DUSP8: variants seen among roughly 807,000 people sequenced by gnomAD.
DUSP8 encodes the protein dual specificity phosphatase 8.
DUSP8 carries 15 observed loss-of-function variants against 38.7 expected under a neutral mutation model. The ratio of observed to expected loss-of-function variants is 0.39; its 90% confidence interval spans 0.26 to 0.60. The LOEUF (loss-of-function observed/expected upper bound fraction) is 0.60. Ranked by LOEUF, DUSP8 falls within the 20% of genes least tolerant of loss-of-function variation. DUSP8 has a pLI of 0.56. For missense variants in DUSP8, 768 were observed against 915.0 expected (o/e 0.84, Z 2.07); for synonymous variants, 458 against 433.9 (o/e 1.06, Z -0.69).
intron 1 of DUSP8, among the ~76,000 whole-genome samples, chr11:1,566,611 G>A (rs1349714759): frequency 6.6e-6 from 1 of 152,140 alleles, no homozygotes; most frequent in Admixed American, 6.5e-5. Context: ...GCAGGCTGAG[G>A]TTTAGTGTGC....
At chr11:1,567,976 G>A (rs564537297) in intron 1 of DUSP8, among the ~76,000 whole-genome samples, 1 of 152,316 alleles carries the variant, frequency 6.6e-6, no homozygotes, top group South Asian at 2.1e-4. Context: ...GGTGAGAGGC[G>A]AGGGCCCAGA....
At chr11:1,564,714 C>T (rs113898843) in intron 2 of DUSP8, among the ~76,000 whole-genome samples, 244 of 152,356 alleles carry the variant, frequency 1.6e-3, no homozygotes, top group African/African-American at 5.4e-3. Context: ...CCAATGGGAT[C>T]GCACTCTGCC....
chr11:1,558,942 T>A lies in DUSP8; in HGVS notation c.484A>T (p.Thr162Ser). 5.0e-6 allele frequency: 8 copies of A among 1,612,922 alleles called. No individual in the cohort carries two copies. Among genetic ancestry groups the A allele is most frequent in the Non-Finnish European group, 6.8e-6 (8 of 1,179,732 alleles). Residue 162 changes from threonine (T) to serine (S), a missense_variant, in exon 4 of 7, where the codon ACC becomes TCC. By Grantham distance (58) the Thr-to-Ser change is moderately conservative (BLOSUM62 1). Transcript: ENST00000397374. The surrounding 1 kb of genome is among the most constrained non-coding windows in gnomAD (Gnocchi z 6.3). ...AGGTAGAGGTGAGGCAGGATGCGGG[T>A]CAGGCCCACGCTGGGCACAGGCAGG... ...PCLPVPSVGL[T>S]RILPHLYLGS...
rs1848590492 is a variant in DUSP8, at chr11:1,554,466, G to T, written c.*2052C>A. The T allele has an allele frequency of 5.6e-6, 1 of 177,106 alleles. No homozygotes were observed. The highest frequency in any genetic ancestry group is 1.1e-5 in the Non-Finnish European group (1 of 88,778). The allele number at this position is 177,106 out of a possible 1,614,324, so 11.0% of individuals were successfully genotyped here. On this transcript the variant is annotated 3_prime_UTR_variant, in exon 7 of 7. Transcript: ENST00000397374. ...GGCTGGGTCAGGTGAAAGCCACCAG[G>T]TGGGGCCTCAGCCCGCCTCCTGCAG... is the stretch of plus-strand genomic sequence containing the variant.
At position 1,557,308 on chromosome 11, in the gene DUSP8, G is replaced by C; in HGVS notation, c.1088C>G (p.Thr363Arg). ...SAGGEPPAPP[T>R]PPATSALQQG... ...CTGCAGTGCGCTGGTCGCCGGGGGCGTGGGGGGCGCGGGGGGCTCCCCGCC... is the reference window on the plus strand; with the variant it reads ...CTGCAGTGCGCTGGTCGCCGGGGGCCTGGGGGGCGCGGGGGGCTCCCCGCC... The change falls in exon 7 of 7, where the codon ACG (threonine) becomes AGG (arginine). Residue 363 changes from threonine to arginine, a missense_variant. Around this residue, in one of 3 missense-constraint regions of DUSP8, gnomAD observed 474 missense variants for 430.8 expected, o/e 1.10. Coordinates refer to ENST00000397374, the MANE Select transcript of DUSP8 (RefSeq NM_004420.3). The surrounding 1 kb of genome is among the most constrained non-coding windows in gnomAD (Gnocchi z 9.9). 3 of 1,478,864 alleles carry C rather than the reference G, an allele frequency of 2.0e-6. No homozygotes were observed. Among genetic ancestry groups the C allele is most frequent in the Non-Finnish European group, 2.7e-6 (3 of 1,124,948 alleles). 91.6% of individuals were successfully genotyped at this position (1,478,864 alleles called of 1,614,324 possible).
rs780598168 is a variant in DUSP8, at chr11:1,557,607, G to A, written c.822-33C>T. ...GGAGGAGGCTCAGTCCCAGGCGCCC[G>A]CCGGGGCCAGGCTGCCCACCTGACG... On this transcript the variant is annotated intron_variant, in intron 6 of 6. Transcript: ENST00000397374. The surrounding 1 kb of genome is among the most constrained non-coding windows in gnomAD (Gnocchi z 9.9). 68 of 1,496,002 alleles carry A rather than the reference G, an allele frequency of 4.5e-5. No individual in the cohort carries two copies. The South Asian group carries it at 6.2e-4, about 14-fold the overall frequency. 92.7% of individuals were successfully genotyped at this position (1,496,002 alleles called of 1,614,324 possible).
Position 1,568,554 on chromosome 11 carries a change from C to T in DUSP8, c.-108-2620G>A, listed in dbSNP as rs186920555. On this transcript the variant is annotated intron_variant, in intron 1 of 6. Transcript: ENST00000397374. ...GGCAACAGCAGAGGTGCCAGGCAACCGCTGCTCCTGCGGCAGCCACCACCA... is the reference window on the plus strand; with the variant it reads ...GGCAACAGCAGAGGTGCCAGGCAACTGCTGCTCCTGCGGCAGCCACCACCA... 8.5e-5 allele frequency among the ~76,000 whole-genome samples: 13 copies of T among 152,296 alleles called. No individual in the cohort carries two copies. The South Asian group carries it at 1.2e-3, about 15-fold the overall frequency.
intron 1 of DUSP8, among the ~76,000 whole-genome samples, chr11:1,570,624 G>A (rs1050273967): frequency 9.0e-6 from 1 of 110,786 alleles, no homozygotes; most frequent in Non-Finnish European, 2.0e-5. Flanking sequence ...AATAGAACCT[G>A]CCCAGCCACA....
In DUSP8 at chr11:1,558,881, A is replaced by G. The variant is rs758205140; in HGVS notation, c.537+8T>C. ...TTGACCACCCCCCGAACTCCACTGC[A>G]CACACACCTTGTTTAGGACGTCCTT... On this transcript the variant is annotated splice_region_variant and intron_variant, in intron 4 of 6. Coordinates refer to ENST00000397374, the MANE Select transcript of DUSP8 (RefSeq NM_004420.3). The surrounding 1 kb of genome is among the most constrained non-coding windows in gnomAD (Gnocchi z 6.3). 2 of 1,605,572 alleles carry G rather than the reference A, an allele frequency of 1.2e-6. No homozygotes were observed. The highest frequency in any genetic ancestry group is 1.1e-5 in the South Asian group (1 of 90,690).
chr11:1,554,998 G>A lies in DUSP8; in HGVS notation c.*1520C>T, dbSNP rs763650415. The A allele has an allele frequency of 1.2e-5, 12 of 986,240 alleles. No homozygotes were observed. The highest frequency in any genetic ancestry group is 6.1e-5 in the Admixed American group (1 of 16,272). The allele number at this position is 986,240 out of a possible 1,614,324, so 61.1% of individuals were successfully genotyped here. On this transcript the variant is annotated 3_prime_UTR_variant, in exon 7 of 7. Coordinates refer to ENST00000397374, the MANE Select transcript of DUSP8 (RefSeq NM_004420.3). ...AAATAGAAGAAACAGCAGAGAGGGC[G>A]GCTGGCTGGGGCGGGATGGGCGCCT...
Position 1,557,799 on chromosome 11 carries a change from G to A in DUSP8, c.816C>T (p.Ala272=), listed in dbSNP as rs777858702. ...GCGACTGGGGAAGGTGGTACCTGTA[G>A]GCGTCGTCGGAGGACATGCCCATGG... ...MKTMGMSSDD[A]YRFVKDRRPS... The change falls in exon 6 of 7, where the codon GCC becomes GCT. Residue 272 remains alanine (A), a synonymous_variant. Coordinates refer to ENST00000397374, the MANE Select transcript of DUSP8 (RefSeq NM_004420.3). This position sits in a 1 kb window ranked among gnomAD's most constrained non-coding sequence, Gnocchi z 9.9. 11 of 1,612,992 alleles carry A rather than the reference G, an allele frequency of 6.8e-6. No individual in the cohort carries two copies. The highest frequency in any genetic ancestry group is 1.1e-5 in the South Asian group (1 of 91,036).
At chr11:1,563,773 C>T in intron 3 of DUSP8, 78 bp downstream of exon 3, 1 of 1,398,588 alleles carries the variant, frequency 7.2e-7, no homozygotes, top group Admixed American at 3.0e-5. Flanking sequence ...GCGGACACCT[C>T]CCTGATGCCC....
Position 1,555,011 on chromosome 11 carries a change from G to A in DUSP8, c.*1507C>T, listed in dbSNP as rs559808196. Reference sequence around the variant, plus strand: ...AGCAGAGAGGGCGGCTGGCTGGGGCGGGATGGGCGCCTCCCTGGCCCTGCT... The same window carrying A: ...AGCAGAGAGGGCGGCTGGCTGGGGCAGGATGGGCGCCTCCCTGGCCCTGCT... On this transcript the variant is annotated 3_prime_UTR_variant, in exon 7 of 7. Transcript: ENST00000397374. The A allele has an allele frequency of 5.1e-6, 5 of 986,238 alleles. No individual in the cohort carries two copies. Among genetic ancestry groups the A allele is most frequent in the South Asian group, 9.4e-5 (2 of 21,312 alleles). 61.1% of individuals were successfully genotyped at this position (986,238 alleles called of 1,614,324 possible).
chr11:1,562,436 C>T (rs949364469), intron 3 of DUSP8, among the ~76,000 whole-genome samples: 1 of 152,184 alleles, frequency 6.6e-6, no homozygotes, highest in Non-Finnish European at 1.5e-5. Context: ...GTTCAGTCCT[C>T]AAACTGGACC....
At position 1,558,279 on chromosome 11, in the gene DUSP8, G is replaced by T; in HGVS notation, c.538-8C>A. On this transcript the variant is annotated splice_polypyrimidine_tract_variant and splice_region_variant and intron_variant, in intron 4 of 6. Transcript: ENST00000397374. This position sits in a 1 kb window ranked among gnomAD's most constrained non-coding sequence, Gnocchi z 6.3. ...ATTTTGCGTCATCAGATCCTGGAGG[G>T]GCGGGAGGGCGGGTTGGAAAGGGGT... 2 of 1,501,990 alleles carry T rather than the reference G, an allele frequency of 1.3e-6. No individual in the cohort carries two copies. Among genetic ancestry groups the T allele is most frequent in the Non-Finnish European group, 9.1e-7 (1 of 1,102,014 alleles). 93.0% of individuals were successfully genotyped at this position (1,501,990 alleles called of 1,614,324 possible).
chr11:1,569,193 C>T (rs959497671), intron 1 of DUSP8, among the ~76,000 whole-genome samples: 6 of 152,190 alleles, frequency 3.9e-5, no homozygotes, highest in South Asian at 4.1e-4. Flanking sequence ...GGACAGGATG[C>T]CCCCTAGCAC....
At chr11:1,561,362 C>T (rs1305485046) in intron 3 of DUSP8, among the ~76,000 whole-genome samples, 1 of 152,216 alleles carries the variant, frequency 6.6e-6, no homozygotes, top group Admixed American at 6.5e-5. Flanking sequence ...ACCCTGCAAG[C>T]GCTTATGGCC....
rs1306752693 is a variant in DUSP8 at position 1,557,626 on chromosome 11, C to T, written c.822-52G>A. The stretch of plus-strand genomic sequence containing the variant: ...GCGCCCGCCGGGGCCAGGCTGCCCA[C>T]CTGACGCACCCGCTGGGCACCCACG... On this transcript the variant is annotated intron_variant, in intron 6 of 6. Transcript: ENST00000397374. The surrounding 1 kb of genome is among the most constrained non-coding windows in gnomAD (Gnocchi z 9.9). 6.7e-7 allele frequency: 1 copy of T among 1,499,346 alleles called. No individual in the cohort carries two copies. The highest frequency in any genetic ancestry group is 8.9e-7 in the Non-Finnish European group (1 of 1,127,700). The allele number at this position is 1,499,346 out of a possible 1,614,324, so 92.9% of individuals were successfully genotyped here.
intron 2 of DUSP8, among the ~76,000 whole-genome samples, chr11:1,564,938 G>A (rs1156230840): frequency 1.3e-5 from 2 of 152,218 alleles, no homozygotes; most frequent in Non-Finnish European, 2.9e-5. Context: ...CTGCGAGGCA[G>A]TAGAAGGAGG....
Sources: allele counts gnomAD v4.1 joint callset (sites outside exome capture counted in the v4.1 genomes callset), GRCh38; gene constraint gnomAD v4.1.1; regional missense constraint gnomAD v4.1.1; non-coding constraint Gnocchi (gnomAD v3.1); transcripts MANE v1.5; gene names NCBI Gene and HGNC (gene_info 2026-07-23, HGNC 2026-07-21).